The following ASRGL1 variants were observed in gnomAD, a reference collection of about 807,000 sequenced individuals.
ASRGL1 encodes isoaspartyl peptidase/L-asparaginase.
A neutral mutation model predicts 22.4 loss-of-function variants in ASRGL1; 16 were observed. That is an observed-to-expected ratio of 0.71 (90% CI 0.48 to 1.08). The LOEUF is 1.08. Among genes scored for constraint, ASRGL1 ranks in the 50% least tolerant of loss-of-function variants. The pLI, the probability that ASRGL1 is intolerant of heterozygous loss-of-function variation, is 0.00. For missense variants in ASRGL1, 412 were observed against 410.1 expected (o/e 1.00, Z -0.04); for synonymous variants, 165 against 159.3 (o/e 1.04, Z -0.27).
At chr11:62,384,483 A>C (rs75278253) in intron 4 of ASRGL1, among the ~76,000 whole-genome samples, 1 of 151,898 alleles carries the variant, frequency 6.6e-6, no homozygotes, top group Non-Finnish European at 1.5e-5. Flanking sequence ...CAGCTTGGGC[A>C]AAAGAGCAAG....
chr11:62,339,406 G>C (rs76382649), intron 2 of ASRGL1, among the ~76,000 whole-genome samples: 3,575 of 152,242 alleles, frequency 0.023, 100 homozygotes, highest in Non-Finnish European at 0.031. Context: ...CCCCCGACAA[G>C]GTTCCAAAGT....
intron 4 of ASRGL1, among the ~76,000 whole-genome samples, chr11:62,374,630 AC>A (rs1486529822): frequency 6.6e-6 from 1 of 151,688 alleles, no homozygotes; most frequent in African/African-American, 2.4e-5. Flanking sequence ...CCTATTTTCC[AC>A]CCCAGTCGCT....
At position 62,375,671 on chromosome 11, in the gene ASRGL1, A is replaced by G. The variant is rs750455950; in HGVS notation, c.492-13462A>G. Reference sequence around the variant, plus strand: ...CATCTGTGGGGCCAGGTACCCATACACTATTATTAACATATATTTCAGTAG... The same window carrying G: ...CATCTGTGGGGCCAGGTACCCATACGCTATTATTAACATATATTTCAGTAG... On this transcript the variant is annotated intron_variant, in intron 4 of 6. Coordinates refer to ENST00000415229, the MANE Select transcript of ASRGL1 (RefSeq NM_001083926.2). Among the ~76,000 whole-genome samples, 419 of 151,660 alleles carry G rather than the reference A, an allele frequency of 2.8e-3. 2 individuals are homozygous for G. Among genetic ancestry groups the G allele is most frequent in the Middle Eastern group, 6.8e-3 (2 of 292 alleles).
At position 62,362,513 on chromosome 11, in the gene ASRGL1, T is replaced by TATATTATATAAAATATATAAC. The variant is rs1946464009; in HGVS notation, c.491+5376_491+5377insATAAAATATATAACATATTAT. Among the ~76,000 whole-genome samples, 3 of 44,742 alleles carry TATATTATATAAAATATATAAC rather than the reference T, an allele frequency of 6.7e-5. 1 individual carries two copies. Among genetic ancestry groups the TATATTATATAAAATATATAAC allele is most frequent in the Non-Finnish European group, 1.3e-4 (3 of 23,586 alleles). 29.4% of individuals were successfully genotyped at this position (44,742 alleles called of 152,430 possible). On this transcript the variant is annotated intron_variant, in intron 4 of 6. Coordinates refer to ENST00000415229, the MANE Select transcript of ASRGL1 (RefSeq NM_001083926.2). ...TATATATTATATAAAATATATAACA[T>TATATTATATAAAATATATAAC]ATATTATTTATATAATATATATTAT... is the stretch of plus-strand genomic sequence containing the variant.
At chr11:62,386,451 T>C (rs1375387254) in intron 4 of ASRGL1, among the ~76,000 whole-genome samples, 6 of 151,810 alleles carry the variant, frequency 4.0e-5, no homozygotes, top group African/African-American at 7.3e-5. Flanking sequence ...ATCATAGATA[T>C]GTACATATCA....
rs990559339 is a variant in ASRGL1 at position 62,342,077 on chromosome 11, G to A, written c.190+3910G>A. ...GAGACAGGGTTATTTATAACCTGAC[G>A]CATTTACCCTACTGCTGTGTCCGGT... On this transcript the variant is annotated intron_variant, in intron 2 of 6. Transcript: ENST00000415229. Among the ~76,000 whole-genome samples, 20 of 152,272 alleles carry A rather than the reference G, an allele frequency of 1.3e-4. No individual in the cohort carries two copies. In the South Asian group the frequency reaches 2.3e-3, roughly 17 times the overall value.
At chr11:62,400,790 C>T in the ASRGL1 span, among the ~76,000 whole-genome samples, 3 of 152,198 alleles carry the variant, frequency 2.0e-5, no homozygotes, top group Non-Finnish European at 4.4e-5. Flanking sequence ...AGGCCCAGGG[C>T]TTCTTCCTCA....
At chr11:62,394,976 T>G (rs572124113), downstream of ASRGL1, among the ~76,000 whole-genome samples, 8 of 152,160 alleles carry the variant, frequency 5.3e-5, no homozygotes, top group Non-Finnish European at 7.4e-5. Context: ...AGACAATCTT[T>G]TTATCACTTC....
chr11:62,365,080 AAAG>A (rs1565163993), intron 4 of ASRGL1, among the ~76,000 whole-genome samples: 2 of 149,152 alleles, frequency 1.3e-5, no homozygotes, highest in African/African-American at 5.2e-5. Context: ...AAAAAAAAAA[AAAG>A]AAAGAAACAT....
intron 2 of ASRGL1, among the ~76,000 whole-genome samples, chr11:62,354,569 GAGGTGCTACTGC>G (rs1946235105): frequency 6.6e-6 from 1 of 152,180 alleles, no homozygotes; most frequent in Non-Finnish European, 1.5e-5. Flanking sequence ...CAAGCACTGA[GAGGTGCTACTGC>G]AGCTGATCTG....
intron 4 of ASRGL1, among the ~76,000 whole-genome samples, chr11:62,365,926 T>A (rs1038005717): frequency 1.3e-5 from 2 of 151,726 alleles, no homozygotes; most frequent in Non-Finnish European, 2.9e-5. Context: ...GATAGGTATG[T>A]TATTCTAGTT....
chr11:62,399,705 C>G, the ASRGL1 span, among the ~76,000 whole-genome samples: 1 of 152,162 alleles, frequency 6.6e-6, no homozygotes, highest in Non-Finnish European at 1.5e-5. Flanking sequence ...GCAGCACTGC[C>G]CTGACCTTCC....
chr11:62,376,793 A>G (rs1276994486), intron 4 of ASRGL1, among the ~76,000 whole-genome samples: 7 of 152,194 alleles, frequency 4.6e-5, no homozygotes, highest in African/African-American at 1.7e-4. Context: ...GCTTTACTAC[A>G]ATATCCTGGT....
chr11:62,342,925 A>G (rs1945903824), intron 2 of ASRGL1, among the ~76,000 whole-genome samples: 1 of 152,230 alleles, frequency 6.6e-6, no homozygotes, highest in African/African-American at 2.4e-5. Context: ...AGTTGGTTTA[A>G]CCATGTAATA....
chr11:62,346,279 A>G (rs1309896492), intron 2 of ASRGL1, among the ~76,000 whole-genome samples: 2 of 152,182 alleles, frequency 1.3e-5, no homozygotes, highest in Non-Finnish European at 2.9e-5. Flanking sequence ...TGAATAATGG[A>G]TATAATGGAG....
chr11:62,400,162 A>T, the ASRGL1 span, among the ~76,000 whole-genome samples: 4 of 152,058 alleles, frequency 2.6e-5, no homozygotes, highest in Admixed American at 1.3e-4. Flanking sequence ...CGGGTCCCCC[A>T]CTGCCCCCCA....
chr11:62,371,295 C>G (rs1286636605), intron 4 of ASRGL1: 1 of 1,379,972 alleles, frequency 7.2e-7, no homozygotes, highest in East Asian at 2.9e-5. Flanking sequence ...GCAGCGGCGA[C>G]GAGGACGGCC....
At chr11:62,369,046 G>C (rs1230998967) in intron 4 of ASRGL1, among the ~76,000 whole-genome samples, 1 of 152,078 alleles carries the variant, frequency 6.6e-6, no homozygotes, top group Non-Finnish European at 1.5e-5. Flanking sequence ...CGGGTGTCAG[G>C]CTGGGGGACG....
chr11:62,375,666 C>T (rs1364851325), intron 4 of ASRGL1, among the ~76,000 whole-genome samples: 1 of 151,462 alleles, frequency 6.6e-6, no homozygotes, highest in African/African-American at 2.4e-5. Flanking sequence ...GCCAGGTACC[C>T]ATACACTATT....
Sources: gnomAD v4.1 joint callset for allele counts (sites outside exome capture counted in the v4.1 genomes callset) on GRCh38, gnomAD v4.1.1 for gene constraint, MANE v1.5 for transcripts, NCBI Gene and HGNC (gene_info 2026-07-23, HGNC 2026-07-21) for gene names.